Variants in ZSCAN25 observed in about 807,000 individuals in gnomAD.
The protein encoded by ZSCAN25 is zinc finger and SCAN domain-containing protein 25.
ZSCAN25 carries 27 observed loss-of-function variants against 38.7 expected under a neutral mutation model. That is an observed-to-expected ratio of 0.70 (90% CI 0.51 to 0.96). The LOEUF (loss-of-function observed/expected upper bound fraction) is 0.96. ZSCAN25 is among the 40% of genes least tolerant of loss of function. The probability of loss-of-function intolerance (pLI) is 0.00; values close to 1 mark genes in which losing one functional copy is unlikely to be tolerated. For missense variants in ZSCAN25, 637 were observed against 705.9 expected (o/e 0.90, Z 1.11); for synonymous variants, 273 against 277.7 (o/e 0.98, Z 0.17).
chr7:99,638,863 C>T, the ZSCAN25 span: 1 of 603,562 alleles, frequency 1.7e-6, no homozygotes, highest in Non-Finnish European at 3.0e-6. Flanking sequence ...AGGCTCCCAG[C>T]CTTTGCGGCC....
At chr7:99,670,330 C>T in the ZSCAN25 span, among the ~76,000 whole-genome samples, 1 of 152,242 alleles carries the variant, frequency 6.6e-6, no homozygotes, top group Admixed American at 6.5e-5. Context: ...ATGTTTCAAA[C>T]CATAACAGCA....
At chr7:99,698,760 AT>A in the ZSCAN25 span, among the ~76,000 whole-genome samples, 1 of 152,084 alleles carries the variant, frequency 6.6e-6, no homozygotes, top group Non-Finnish European at 1.5e-5. Flanking sequence ...CTCTTTCATC[AT>A]CCAGAAGGAA....
the ZSCAN25 span, among the ~76,000 whole-genome samples, chr7:99,646,797 TACACACACACACAC>T: frequency 1.8e-4 from 26 of 142,170 alleles, 1 homozygote; most frequent in Admixed American, 4.2e-4. Context: ...ATATGTTTTA[TACACACACACACAC>T]ACACACACAC....
chr7:99,643,714 C>G, the ZSCAN25 span, among the ~76,000 whole-genome samples: 1 of 151,924 alleles, frequency 6.6e-6, no homozygotes, highest in African/African-American at 2.4e-5. Flanking sequence ...ACCCAGTAAC[C>G]TGCATCATAG....
the ZSCAN25 span, among the ~76,000 whole-genome samples, chr7:99,733,990 T>C: frequency 3.3e-5 from 5 of 152,238 alleles, no homozygotes; most frequent in Non-Finnish European, 7.3e-5. Flanking sequence ...TGAGGTTATC[T>C]TATACACATT....
chr7:99,682,826 A>T, the ZSCAN25 span, among the ~76,000 whole-genome samples: 1 of 152,146 alleles, frequency 6.6e-6, no homozygotes. Context: ...TATTAATTGT[A>T]GACATCTTTC....
At chr7:99,729,385 C>T in the ZSCAN25 span, among the ~76,000 whole-genome samples, 1 of 152,216 alleles carries the variant, frequency 6.6e-6, no homozygotes, top group African/African-American at 2.4e-5. Flanking sequence ...CCCATAATCC[C>T]GCTTGAAGCA....
chr7:99,624,095 T>C lies in ZSCAN25; in HGVS notation c.720T>C (p.Pro240=), dbSNP rs1334844430. The C allele has an allele frequency of 6.2e-7, 1 of 1,614,032 alleles. No individual in the cohort carries two copies. Among genetic ancestry groups the C allele is most frequent in the Non-Finnish European group, 8.5e-7 (1 of 1,180,044 alleles). Residue 240 remains proline (P), a synonymous_variant, in exon 7 of 8, where the codon CCT becomes CCC. Coordinates refer to ENST00000394152, the MANE Select transcript of ZSCAN25 (RefSeq NM_145115.3). The part of the protein sequence containing the change: ...GPFKDMALAF[P]EEEWRHVTPA... ...TTAAAGATATGGCCCTGGCCTTCCC[T>C]GAGGAGGAGTGGAGGCATGTGACCC...
downstream of ZSCAN25, among the ~76,000 whole-genome samples, chr7:99,635,498 A>G (rs1157766217): frequency 6.6e-6 from 1 of 152,174 alleles, no homozygotes; most frequent in Admixed American, 6.5e-5. Flanking sequence ...TTATATCCTT[A>G]AAGAAAATTT....
the ZSCAN25 span, chr7:99,709,241 A>G: frequency 3.1e-6 from 5 of 1,613,764 alleles, no homozygotes; most frequent in Non-Finnish European, 4.2e-6. Context: ...ACTGTAGCAC[A>G]GTATCATAGG....
the ZSCAN25 span, among the ~76,000 whole-genome samples, chr7:99,692,692 A>T: frequency 7.2e-5 from 11 of 152,082 alleles, no homozygotes; most frequent in African/African-American, 2.4e-4. Flanking sequence ...CGAATCGGCT[A>T]TTGAAGCTTG....
chr7:99,688,504 G>A, the ZSCAN25 span, among the ~76,000 whole-genome samples: 140 of 152,298 alleles, frequency 9.2e-4, 2 homozygotes, highest in African/African-American at 3.2e-3. Context: ...CAATACAGGA[G>A]CACCCAGATT....
chr7:99,677,309 C>T, the ZSCAN25 span: 1 of 947,382 alleles, frequency 1.1e-6, no homozygotes, highest in Non-Finnish European at 1.3e-6. Context: ...GCTAGCCCCA[C>T]ACAGTTGGCT....
At chr7:99,722,510 A>G in the ZSCAN25 span, among the ~76,000 whole-genome samples, 1 of 152,202 alleles carries the variant, frequency 6.6e-6, no homozygotes, top group African/African-American at 2.4e-5. Context: ...AAAATAGAGG[A>G]GGTATTTGAA....
the ZSCAN25 span, among the ~76,000 whole-genome samples, chr7:99,661,374 G>A: frequency 1.3e-5 from 2 of 152,140 alleles, no homozygotes; most frequent in African/African-American, 4.8e-5. Flanking sequence ...ACAGGCATCA[G>A]GCAATACAAG....
chr7:99,628,068 A>C (rs1002552231), intron 7 of ZSCAN25, among the ~76,000 whole-genome samples: 1 of 152,100 alleles, frequency 6.6e-6, no homozygotes. Flanking sequence ...CCTGGGCAAC[A>C]TAGTGAGGCC....
intron 3 of ZSCAN25, 56 bp from the exon 4 acceptor site, chr7:99,619,505 A>T (rs1456617364): frequency 1.5e-6 from 2 of 1,327,956 alleles, no homozygotes; most frequent in Non-Finnish European, 2.1e-6. Flanking sequence ...ATATTCCTTG[A>T]TGTAGAGACA....
the ZSCAN25 span, among the ~76,000 whole-genome samples, chr7:99,658,074 C>A: frequency 1.3e-5 from 2 of 152,032 alleles, no homozygotes; most frequent in African/African-American, 2.4e-5. Flanking sequence ...GCATTTAGCC[C>A]GTTTACATTT....
the ZSCAN25 span, chr7:99,665,161 C>T: frequency 6.9e-6 from 11 of 1,602,156 alleles, no homozygotes; most frequent in Non-Finnish European, 8.5e-6. Context: ...TAATAGCCCA[C>T]ATACTTATTG....
Sources: allele counts gnomAD v4.1 joint callset (sites outside exome capture counted in the v4.1 genomes callset), GRCh38; gene constraint gnomAD v4.1.1; transcripts MANE v1.5; gene names NCBI Gene and HGNC (gene_info 2026-07-23, HGNC 2026-07-21).